Variants in ZNF106 observed in about 807,000 individuals in gnomAD.
The protein encoded by ZNF106 is zinc finger protein 106.
Under a neutral mutation model 195.1 loss-of-function variants are expected in ZNF106, and 67 were observed. The observed-to-expected ratio is 0.34, with a 90% CI of 0.28 to 0.42. ZNF106 has a LOEUF of 0.42. Ranked by LOEUF, ZNF106 falls within the 10% of genes least tolerant of loss-of-function variation. ZNF106 has a pLI of 1.00. For missense variants in ZNF106, 2,118 were observed against 2,304.5 expected (o/e 0.92, Z 1.66); for synonymous variants, 784 against 818.6 (o/e 0.96, Z 0.72).
intron 17 of ZNF106, 94 bp downstream of exon 17, chr15:42,423,904 G>A (rs1234893988): frequency 4.2e-6 from 5 of 1,182,084 alleles, no homozygotes; most frequent in Middle Eastern, 2.0e-4. Flanking sequence ...GTGGATAAAG[G>A]GCTTAATTTA....
At chr15:42,466,868 G>C (rs958827332) in intron 2 of ZNF106, among the ~76,000 whole-genome samples, 2 of 152,024 alleles carry the variant, frequency 1.3e-5, no homozygotes, top group East Asian at 1.9e-4. Flanking sequence ...GGCGTGGTGG[G>C]TCACACCTGT....
intron 1 of ZNF106, among the ~76,000 whole-genome samples, chr15:42,474,147 A>G (rs1170080096): frequency 6.6e-6 from 1 of 152,196 alleles, no homozygotes; most frequent in Non-Finnish European, 1.5e-5. Flanking sequence ...TCTTCAACCC[A>G]GAGAATTGTG....
chr15:42,421,229 G>A (rs2054645475), intron 19 of ZNF106, 97 bp from the exon 20 acceptor site: 3 of 1,088,834 alleles, frequency 2.8e-6, no homozygotes, highest in African/African-American at 1.6e-5. Flanking sequence ...GCAGCTACAA[G>A]AAAACAAACA....
At chr15:42,420,929 A>G in intron 20 of ZNF106, 132 bp downstream of exon 20, 3 of 764,586 alleles carry the variant, frequency 3.9e-6, no homozygotes, top group Non-Finnish European at 6.6e-6. Context: ...ACAACCTGTG[A>G]TCTACAGTGT....
rs201905598 is a variant in ZNF106 at position 42,439,552 on chromosome 15, T to A, written c.4025A>T (p.Glu1342Val). The A allele has an allele frequency of 5.8e-5, 93 of 1,614,086 alleles. No homozygotes were observed. The highest frequency in any genetic ancestry group is 4.7e-5 in the Non-Finnish European group (56 of 1,180,056). The change falls in exon 11 of 22, where the codon GAA becomes GTA. Residue 1342 changes from glutamate (E) to valine (V), a missense_variant. Physicochemically the swap from Glu to Val is moderately radical, Grantham distance 121 (BLOSUM62 -2). Transcript: ENST00000564754. ...GTGGGGTTCCTTCTCCAAAGGGGTT[T>A]CTGAAGCAAAAGACAATCTTAGAAA... ...SSFLRLSFAS[E>V]TPLEKEPHSP...
intron 3 of ZNF106, among the ~76,000 whole-genome samples, chr15:42,463,357 C>G (rs1866396): frequency 6.6e-6 from 1 of 152,144 alleles, no homozygotes; most frequent in South Asian, 2.1e-4. Context: ...TTCATAGATT[C>G]TGAATGTTAA....
At chr15:42,451,994 T>A in intron 4 of ZNF106, 40 bp from the exon 5 acceptor site, 8 of 1,567,612 alleles carry the variant, frequency 5.1e-6, no homozygotes, top group Non-Finnish European at 6.9e-6. Flanking sequence ...TTTAAAGGAA[T>A]TCCTATGCTA....
intron 12 of ZNF106, among the ~76,000 whole-genome samples, chr15:42,437,717 G>C (rs2055336591): frequency 6.6e-6 from 1 of 152,054 alleles, no homozygotes; most frequent in South Asian, 2.1e-4. Flanking sequence ...GACCAGCCTA[G>C]CCAACATGGT....
intron 4 of ZNF106, among the ~76,000 whole-genome samples, chr15:42,453,575 T>C (rs2056120395): frequency 6.6e-6 from 1 of 152,140 alleles, no homozygotes; most frequent in African/African-American, 2.4e-5. Context: ...CTCACTTAGT[T>C]TTTATAATCC....
chr15:42,458,225 G>C (rs74435783), intron 3 of ZNF106, among the ~76,000 whole-genome samples: 8 of 151,732 alleles, frequency 5.3e-5, no homozygotes, highest in African/African-American at 1.9e-4. Flanking sequence ...CAACCCAAAA[G>C]GACATGCCGT....
Position 42,427,591 on chromosome 15 carries a change from T to A in ZNF106, c.4998+427A>T, listed in dbSNP as rs148889613. The stretch of plus-strand genomic sequence containing the variant: ...TAAGTTCATTTTTCTTCATTTTTTT[T>A]AAAATATGTAATGCTTCATGAATTT... On this transcript the variant is annotated intron_variant, in intron 15 of 21. Transcript: ENST00000564754. 6.1e-3 allele frequency: 941 copies of A among 155,284 alleles called. 4 individuals carry two copies. The highest frequency in any genetic ancestry group is 0.019 in the African/African-American group (807 of 41,622). The allele number at this position is 155,284 out of a possible 1,614,324, so 9.6% of individuals were successfully genotyped here.
intron 1 of ZNF106, among the ~76,000 whole-genome samples, chr15:42,487,708 G>A (rs2057047634): frequency 6.6e-6 from 1 of 151,922 alleles, no homozygotes; most frequent in Non-Finnish European, 1.5e-5. Flanking sequence ...TCATAATGTT[G>A]TACAACCAAC....
Position 42,457,650 on chromosome 15 carries a change from C to T in ZNF106, c.117-492G>A, listed in dbSNP as rs190164913. On this transcript the variant is annotated intron_variant, in intron 3 of 21. Coordinates refer to ENST00000564754, the MANE Select transcript of ZNF106 (RefSeq NM_001366845.3). ...GCCAATCCCAAGTCGGTAACTAAAT[C>T]GGAACAGCTGGAGCTCTGCCTGGAA... 677 of 563,680 alleles carry T rather than the reference C, an allele frequency of 1.2e-3. 2 individuals carry two copies. Among genetic ancestry groups the T allele is most frequent in the Non-Finnish European group, 1.3e-3 (558 of 440,178 alleles). The allele number at this position is 563,680 out of a possible 1,614,324, so 34.9% of individuals were successfully genotyped here.
intron 1 of ZNF106, among the ~76,000 whole-genome samples, chr15:42,487,946 T>C (rs1004737580): frequency 6.6e-6 from 1 of 152,204 alleles, no homozygotes; most frequent in East Asian, 1.9e-4. Flanking sequence ...AATCTGAGAA[T>C]GTTAAAGACC....
In ZNF106 at chr15:42,450,156, TAG is replaced by T; in HGVS notation, c.2114_2115del (p.Ser705TyrfsTer2). On this transcript the variant is annotated frameshift_variant, in exon 5 of 22. Transcript: ENST00000564754. LOFTEE classifies it high-confidence loss of function. ...TSLEDAQVDDSIKSHVSYETE... is the reference protein window; with the variant it reads ...TSLEDAQVDDXIKSHVSYETE... ...GTTTCATAAGATACATGAGATTTAA[TAG>T]AGTCATCAACCTGTGCATCTTCTAG... is the stretch of plus-strand genomic sequence containing the variant. 1 of 1,614,196 alleles carries T rather than the reference TAG, an allele frequency of 6.2e-7. No individual in the cohort carries two copies. The highest frequency in any genetic ancestry group is 8.5e-7 in the Non-Finnish European group (1 of 1,180,032).
At position 42,450,641 on chromosome 15, in the gene ZNF106, A is replaced by C. The variant is rs528949485; in HGVS notation, c.1631T>G (p.Phe544Cys). The stretch of plus-strand genomic sequence containing the variant: ...ATCACCAGATTGCTTTTGAGAGCCA[A>C]ATGTACTTTTATTCCCTTTTAAAAC... ...PHVLKGNKST[F>C]GSQKQSGDNL... Residue 544 changes from phenylalanine (F) to cysteine (C), a missense_variant, in exon 5 of 22, where the codon TTT becomes TGT. Coordinates refer to ENST00000564754, the MANE Select transcript of ZNF106 (RefSeq NM_001366845.3). 4.3e-6 allele frequency: 7 copies of C among 1,614,196 alleles called. No homozygotes were observed.
intron 16 of ZNF106, 139 bp downstream of exon 16, chr15:42,424,695 G>T: frequency 1.3e-6 from 1 of 795,804 alleles, no homozygotes; most frequent in Non-Finnish European, 1.9e-6. Flanking sequence ...GCCCTGGCTG[G>T]TCTCGAACTT....
intron 20 of ZNF106, among the ~76,000 whole-genome samples, chr15:42,418,532 A>ATTTTATTTTTTTT (rs2054538016): frequency 1.0e-5 from 1 of 96,228 alleles, no homozygotes; most frequent in Non-Finnish European, 2.0e-5. Context: ...CGGCCAGTTA[A>ATTTTATTTTTTTT]TTTTTTTTTT....
chr15:42,452,681 CT>C (rs1322441388), intron 4 of ZNF106, among the ~76,000 whole-genome samples: 11,471 of 101,736 alleles, frequency 0.11, 165 homozygotes, highest in Non-Finnish European at 0.12. Context: ...CTATAGTTAT[CT>C]TTTTTTTTTT....
Sources: gnomAD v4.1 joint callset for allele counts (sites outside exome capture counted in the v4.1 genomes callset) on GRCh38, gnomAD v4.1.1 for gene constraint, MANE v1.5 for transcripts, NCBI Gene and HGNC (gene_info 2026-07-23, HGNC 2026-07-21) for gene names.